Variants in KIF1C observed in about 807,000 individuals in gnomAD.
KIF1C encodes the protein kinesin family member 1C.
KIF1C carries 61 observed loss-of-function variants against 126.5 expected under a neutral mutation model. That is an observed-to-expected ratio of 0.48 (90% CI 0.39 to 0.60). The LOEUF (loss-of-function observed/expected upper bound fraction) is 0.60, where lower values mean the gene tolerates loss of function less well. KIF1C is among the 20% of genes least tolerant of loss of function. KIF1C has a pLI of 0.00. For synonymous variants in KIF1C, 640 were observed against 580.6 expected (o/e 1.10, Z -1.47); for missense variants, 1,315 against 1,489.2 (o/e 0.88, Z 1.93).
intron 1 of KIF1C, among the ~76,000 whole-genome samples, chr17:4,998,461 A>G (rs895300318): frequency 6.6e-6 from 1 of 152,070 alleles, no homozygotes; most frequent in Non-Finnish European, 1.5e-5. Context: ...GCCGCCCAGT[A>G]TCCTCCTTGT....
At chr17:5,005,522 T>C (rs888717727) in intron 13 of KIF1C, among the ~76,000 whole-genome samples, 2 of 152,106 alleles carry the variant, frequency 1.3e-5, no homozygotes, top group East Asian at 3.9e-4. Context: ...CCATTGAGGA[T>C]AGTTAGGGTG....
rs1338957579 is a variant in KIF1C at position 5,022,638 on chromosome 17, A to C, written c.2557A>C (p.Ser853Arg). 1.2e-6 allele frequency: 2 copies of C among 1,604,960 alleles called. No individual in the cohort carries two copies. The highest frequency in any genetic ancestry group is 1.3e-5 in the African/African-American group (1 of 74,826). Reference protein sequence around the residue: ...ILQEVKLQNSSKDRELQALRD... With the variant: ...ILQEVKLQNSRKDRELQALRD... ...GCAGGAGGTGAAGCTGCAGAACAGC[A>C]GCAAGGACCGGGAGCTGCAGGCCCT... The change falls in exon 22 of 23, where the codon AGC (serine) becomes CGC (arginine). Residue 853 changes from serine to arginine, a missense_variant. This residue lies in a region of KIF1C where 441 missense variants were observed against 436.1 expected (regional missense o/e 1.01). Coordinates refer to ENST00000320785, the MANE Select transcript of KIF1C (RefSeq NM_006612.6). This position sits in a 1 kb window ranked among gnomAD's most constrained non-coding sequence, Gnocchi z 4.9.
intron 16 of KIF1C, among the ~76,000 whole-genome samples, chr17:5,013,322 C>T (rs947555192): frequency 1.3e-5 from 2 of 152,030 alleles, no homozygotes; most frequent in Non-Finnish European, 2.9e-5. Flanking sequence ...CCTGGTGGGT[C>T]GAGGTGCTTC....
At chr17:5,003,968 C>A (rs1286040784) in intron 10 of KIF1C, 30 bp from the exon 11 acceptor site, 1 of 1,611,580 alleles carries the variant, frequency 6.2e-7, no homozygotes, top group South Asian at 1.1e-5. Flanking sequence ...AGTGACCCAC[C>A]CTAACCTCCT....
chr17:5,023,607 G>C lies in KIF1C; in HGVS notation c.2768G>C (p.Arg923Pro), dbSNP rs138073126. The C allele has an allele frequency of 1.9e-6, 3 of 1,613,600 alleles. No homozygotes were observed. Among genetic ancestry groups the C allele is most frequent in the East Asian group, 4.5e-5 (2 of 44,864 alleles). ...PPSPPLSSWE[R>P]VSRLMEEDPA... ...TCGCCACCACTGTCAAGCTGGGAGCGGGTGTCACGGCTCATGGAGGAGGAC... is the reference window on the plus strand; with the variant it reads ...TCGCCACCACTGTCAAGCTGGGAGCCGGTGTCACGGCTCATGGAGGAGGAC... The change falls in exon 23 of 23, where the codon CGG (arginine) becomes CCG (proline). Residue 923 changes from arginine (R) to proline (P), a missense_variant. Physicochemically the swap from Arg to Pro is moderately radical, Grantham distance 103. Around this residue, in one of 2 missense-constraint regions of KIF1C, gnomAD observed 441 missense variants for 436.1 expected, o/e 1.01. Coordinates refer to ENST00000320785, the MANE Select transcript of KIF1C (RefSeq NM_006612.6). The surrounding 1 kb of genome is among the most constrained non-coding windows in gnomAD (Gnocchi z 4.2).
In KIF1C at chr17:5,002,601, C is replaced by T. The variant is rs765354281; in HGVS notation, c.567C>T (p.Tyr189=). ...QDLSKLAVTS[Y]ADIADLMDCG... is the part of the protein sequence containing the mutation. ...TGTCCAAATTGGCTGTGACCTCCTA[C>T]GCAGACATTGCTGACCTCATGGACT... Residue 189 remains tyrosine (Y), a synonymous_variant, in exon 7 of 23, where the codon TAC becomes TAT. Coordinates refer to ENST00000320785, the MANE Select transcript of KIF1C (RefSeq NM_006612.6). The T allele has an allele frequency of 7.4e-6, 12 of 1,613,892 alleles. No individual in the cohort carries two copies. The highest frequency in any genetic ancestry group is 2.2e-5 in the South Asian group (2 of 91,064).
intron 13 of KIF1C, among the ~76,000 whole-genome samples, chr17:5,006,078 G>A (rs1177286257): frequency 1.3e-5 from 2 of 149,220 alleles, no homozygotes; most frequent in South Asian, 2.2e-4. Context: ...GTGGTGGCAC[G>A]CACCTGTAAT....
Position 5,026,734 on chromosome 17 carries a change from C to G in KIF1C, c.*2583C>G, listed in dbSNP as rs1975213640. ...CACTCTGGCCTGGGCAAGAGTGGGA[C>G]TCTCTCAAAAAAAAAAAAAAAAAAA... On this transcript the variant is annotated 3_prime_UTR_variant, in exon 23 of 23. Transcript: ENST00000320785. 3.3e-5 allele frequency: 3 copies of G among 90,350 alleles called. No individual in the cohort carries two copies. Among genetic ancestry groups the G allele is most frequent in the Non-Finnish European group, 6.4e-5 (3 of 47,100 alleles). The allele number at this position is 90,350 out of a possible 1,614,324, so 5.6% of individuals were successfully genotyped here. A position where few individuals can be genotyped will look rare whatever the true frequency, so the allele number is the denominator to read the frequency against.
chr17:5,000,551 T>C (rs560282953), intron 3 of KIF1C, among the ~76,000 whole-genome samples, 199 bp downstream of exon 3: 36 of 150,456 alleles, frequency 2.4e-4, no homozygotes, highest in Non-Finnish European at 4.9e-4. Flanking sequence ...CCTGGAGCCC[T>C]CCATTGCCCA....
rs1242546752 is a variant in KIF1C, at chr17:5,027,260, C to T, written c.*3109C>T. ...TCTCCTGCCTCAGCCTCCTGAGTAG[C>T]TAGGATTACAGGCGCCCACAACCGC... is the stretch of plus-strand genomic sequence containing the variant. On this transcript the variant is annotated 3_prime_UTR_variant, in exon 23 of 23. Transcript: ENST00000320785. 6.6e-6 allele frequency: 1 copy of T among 152,212 alleles called. No individual in the cohort carries two copies. Among genetic ancestry groups the T allele is most frequent in the Non-Finnish European group, 1.5e-5 (1 of 68,076 alleles). 9.4% of individuals were successfully genotyped at this position (152,212 alleles called of 1,614,324 possible).
rs542162428 is a variant in KIF1C at position 5,002,052 on chromosome 17, C to T, written c.364-7C>T. On this transcript the variant is annotated splice_region_variant and splice_polypyrimidine_tract_variant and intron_variant, in intron 5 of 22. Transcript: ENST00000320785. Reference sequence around the variant, plus strand: ...GCTTCTCTGTATTTCCCTGTGTCCCCCTCCAGCTCTGTGAGGACCTCTTCT... The same window carrying T: ...GCTTCTCTGTATTTCCCTGTGTCCCTCTCCAGCTCTGTGAGGACCTCTTCT... 5.6e-6 allele frequency: 9 copies of T among 1,613,818 alleles called. No individual in the cohort carries two copies. The highest frequency in any genetic ancestry group is 1.3e-5 in the African/African-American group (1 of 75,032).
In KIF1C at chr17:5,020,142, A is replaced by C; in HGVS notation, c.1750+63A>C. The C allele has an allele frequency of 3.1e-6, 4 of 1,297,088 alleles. No individual in the cohort carries two copies. The highest frequency in any genetic ancestry group is 4.4e-6 in the Non-Finnish European group (4 of 913,870). 80.3% of individuals were successfully genotyped at this position (1,297,088 alleles called of 1,614,324 possible). A position where few individuals can be genotyped will look rare whatever the true frequency, so the allele number is the denominator to read the frequency against. On this transcript the variant is annotated intron_variant, in intron 19 of 22. Transcript: ENST00000320785. This position sits in a 1 kb window ranked among gnomAD's most constrained non-coding sequence, Gnocchi z 5.8. ...GGCTGTGTGTAGGAAGTCTCAAGGGAGGTCCTTCTGGGTGCATCCTAGAGG... is the reference window on the plus strand; with the variant it reads ...GGCTGTGTGTAGGAAGTCTCAAGGGCGGTCCTTCTGGGTGCATCCTAGAGG...
chr17:5,022,209 C>T lies in KIF1C; in HGVS notation c.2128C>T (p.Arg710Cys), dbSNP rs766563607. 7.4e-6 allele frequency: 12 copies of T among 1,614,084 alleles called. No individual in the cohort carries two copies. The highest frequency in any genetic ancestry group is 4.0e-5 in the African/African-American group (3 of 74,954). ...PPTTVQTIVK[R>C]CGLPSSGKRR... ...CACCACGGTCCAGACCATTGTCAAA[C>T]GCTGTGGTCTGCCCAGCAGTGGCAA... is the stretch of plus-strand genomic sequence containing the variant. The change falls in exon 22 of 23, where the codon CGC becomes TGC. Residue 710 changes from arginine (R) to cysteine (C), a missense_variant. Arg to Cys is a radical substitution (Grantham distance 180, BLOSUM62 -3). Coordinates refer to ENST00000320785, the MANE Select transcript of KIF1C (RefSeq NM_006612.6). This position sits in a 1 kb window ranked among gnomAD's most constrained non-coding sequence, Gnocchi z 4.9.
At position 5,002,044 on chromosome 17, in the gene KIF1C, T is replaced by G; in HGVS notation, c.364-15T>G. The stretch of plus-strand genomic sequence containing the variant: ...GAACAGGAGCTTCTCTGTATTTCCC[T>G]GTGTCCCCCTCCAGCTCTGTGAGGA... On this transcript the variant is annotated splice_polypyrimidine_tract_variant and intron_variant, in intron 5 of 22. Coordinates refer to ENST00000320785, the MANE Select transcript of KIF1C (RefSeq NM_006612.6). 1 of 1,613,178 alleles carries G rather than the reference T, an allele frequency of 6.2e-7. No individual in the cohort carries two copies. Among genetic ancestry groups the G allele is most frequent in the Non-Finnish European group, 8.5e-7 (1 of 1,179,128 alleles).
At chr17:5,010,584 T>C (rs1287817615) in intron 16 of KIF1C, among the ~76,000 whole-genome samples, 1 of 151,304 alleles carries the variant, frequency 6.6e-6, no homozygotes, top group African/African-American at 2.4e-5. Flanking sequence ...CCATCTCTAC[T>C]AAAATAGAAA....
intron 18 of KIF1C, among the ~76,000 whole-genome samples, chr17:5,017,864 C>G (rs1477159640): frequency 6.6e-6 from 1 of 152,130 alleles, no homozygotes; most frequent in African/African-American, 2.4e-5. Flanking sequence ...GAGCTCTGCC[C>G]TAGACTGTCA....
chr17:5,014,429 T>A, intron 17 of KIF1C: 1 of 318,960 alleles, frequency 3.1e-6, no homozygotes, highest in Non-Finnish European at 5.9e-6. Flanking sequence ...TGGAGATAAC[T>A]CAGATCTCTA....
chr17:5,000,863 T>C lies in KIF1C; in HGVS notation c.183+15T>C. 1 of 1,612,180 alleles carries C rather than the reference T, an allele frequency of 6.2e-7. No homozygotes were observed. The highest frequency in any genetic ancestry group is 8.5e-7 in the Non-Finnish European group (1 of 1,178,376). Reference sequence around the variant, plus strand: ...CACACACTTCGGTGGGTTGTTGGGCTGGGGGAAGAGCAAGGCAGTGAGAGA... The same window carrying C: ...CACACACTTCGGTGGGTTGTTGGGCCGGGGGAAGAGCAAGGCAGTGAGAGA... On this transcript the variant is annotated intron_variant, in intron 4 of 22. Transcript: ENST00000320785.
intron 18 of KIF1C, among the ~76,000 whole-genome samples, chr17:5,016,633 G>A (rs1974978455): frequency 6.6e-6 from 1 of 151,858 alleles, no homozygotes; most frequent in Non-Finnish European, 1.5e-5. Flanking sequence ...GGCTGGTGGG[G>A]TGGCTCATGC....
Sources: allele counts gnomAD v4.1 joint callset (sites outside exome capture counted in the v4.1 genomes callset), GRCh38; gene constraint gnomAD v4.1.1; regional missense constraint gnomAD v4.1.1; non-coding constraint Gnocchi (gnomAD v3.1); transcripts MANE v1.5; gene names NCBI Gene and HGNC (gene_info 2026-07-23, HGNC 2026-07-21).